Variants in CHRM3 observed in about 807,000 individuals in gnomAD.
CHRM3 encodes cholinergic receptor muscarinic 3.
CHRM3 carries 11 observed loss-of-function variants against 41.8 expected under a neutral mutation model. The observed-to-expected ratio is 0.26, with a 90% CI of 0.17 to 0.44. The LOEUF (loss-of-function observed/expected upper bound fraction) is 0.44, where lower values mean the gene tolerates loss of function less well. CHRM3 is among the 20% of genes least tolerant of loss of function. The pLI, the probability that CHRM3 is intolerant of heterozygous loss-of-function variation, is 1.00. For synonymous variants in CHRM3, 297 were observed against 301.4 expected (o/e 0.99, Z 0.15); for missense variants, 571 against 745.4 (o/e 0.77, Z 2.72).
chr1:239,680,372 G>A (rs188504305), intron 5 of CHRM3, among the ~76,000 whole-genome samples: 208 of 152,202 alleles, frequency 1.4e-3, no homozygotes, highest in South Asian at 3.9e-3. Flanking sequence ...GGAGCAAATG[G>A]AAGAAGACTA....
chr1:239,817,801 A>G (rs1671716537), intron 5 of CHRM3, among the ~76,000 whole-genome samples: 2 of 151,966 alleles, frequency 1.3e-5, no homozygotes, highest in African/African-American at 4.8e-5. Flanking sequence ...AGCAGCTACA[A>G]TGTTACTGTC....
intron 5 of CHRM3, among the ~76,000 whole-genome samples, chr1:239,756,247 A>G (rs1666233471): frequency 6.6e-6 from 1 of 152,184 alleles, no homozygotes; most frequent in Non-Finnish European, 1.5e-5. Flanking sequence ...AGGCTGGTTC[A>G]TTGACTTCTC....
At chr1:239,881,606 G>T (rs2102877749) in intron 6 of CHRM3, among the ~76,000 whole-genome samples, 1 of 152,140 alleles carries the variant, frequency 6.6e-6, no homozygotes, top group Non-Finnish European at 1.5e-5. Context: ...TACCTTAATT[G>T]TACCAGGGTT....
At chr1:239,898,770 C>A (rs925785425) in intron 6 of CHRM3, among the ~76,000 whole-genome samples, 1 of 152,142 alleles carries the variant, frequency 6.6e-6, no homozygotes, top group Non-Finnish European at 1.5e-5. Flanking sequence ...CCAGAAGCCT[C>A]ACATGTATAT....
At chr1:239,723,285 G>T (rs1663142968) in intron 5 of CHRM3, among the ~76,000 whole-genome samples, 1 of 151,690 alleles carries the variant, frequency 6.6e-6, no homozygotes, top group South Asian at 2.1e-4. Flanking sequence ...GGTATTCTAA[G>T]GATAAAATAA....
intron 6 of CHRM3, among the ~76,000 whole-genome samples, chr1:239,902,159 G>T (rs1679631417): frequency 6.6e-6 from 1 of 152,048 alleles, no homozygotes; most frequent in South Asian, 2.1e-4. Context: ...CTTTCTCCCT[G>T]TGTTTCTAAA....
chr1:239,885,299 A>G (rs1245036226), intron 6 of CHRM3, among the ~76,000 whole-genome samples: 1 of 152,142 alleles, frequency 6.6e-6, no homozygotes, highest in Non-Finnish European at 1.5e-5. Context: ...CTGTTAAAAC[A>G]TAGATTTCTG....
chr1:239,906,898 G>A (rs566023384), intron 6 of CHRM3, among the ~76,000 whole-genome samples: 1 of 152,238 alleles, frequency 6.6e-6, no homozygotes, highest in African/African-American at 2.4e-5. Flanking sequence ...AATATAGTGT[G>A]AATTGATTTA....
intron 6 of CHRM3, among the ~76,000 whole-genome samples, chr1:239,877,485 C>G (rs1463246432): frequency 2.6e-5 from 4 of 152,072 alleles, no homozygotes; most frequent in Non-Finnish European, 4.4e-5. Context: ...TGAATAAACC[C>G]TAACTGGTGA....
At chr1:239,877,070 T>C (rs1300686831) in intron 6 of CHRM3, among the ~76,000 whole-genome samples, 2 of 152,188 alleles carry the variant, frequency 1.3e-5, no homozygotes, top group East Asian at 3.9e-4. Context: ...AGGTTAAAAA[T>C]GCCCCATCTC....
intron 5 of CHRM3, among the ~76,000 whole-genome samples, chr1:239,682,301 T>C (rs1341792391): frequency 6.6e-6 from 1 of 152,216 alleles, no homozygotes; most frequent in Non-Finnish European, 1.5e-5. Flanking sequence ...AGGAATTTCT[T>C]TGAAAGGATT....
At chr1:239,457,058 A>G (rs552855361) in intron 1 of CHRM3, among the ~76,000 whole-genome samples, 146 of 152,278 alleles carry the variant, frequency 9.6e-4, no homozygotes, top group Admixed American at 1.5e-3. Context: ...TGTTGCTGTC[A>G]TTCCCCGGAA....
At chr1:239,647,625 C>T (rs1457721746) in intron 4 of CHRM3, among the ~76,000 whole-genome samples, 1 of 152,148 alleles carries the variant, frequency 6.6e-6, no homozygotes, top group Admixed American at 6.6e-5. Context: ...TCCGCTTAGA[C>T]ATTTTCCCCT....
intron 3 of CHRM3, among the ~76,000 whole-genome samples, chr1:239,571,531 A>G (rs1208531583): frequency 6.6e-6 from 1 of 152,136 alleles, no homozygotes; most frequent in Non-Finnish European, 1.5e-5. Flanking sequence ...GGGACCCATT[A>G]GGGACACTGA....
intron 1 of CHRM3, among the ~76,000 whole-genome samples, chr1:239,444,708 C>T (rs1292223969): frequency 6.6e-6 from 1 of 151,978 alleles, no homozygotes; most frequent in Non-Finnish European, 1.5e-5. Flanking sequence ...ATTACTTTTG[C>T]ACCAATCTAA....
At chr1:239,771,238 A>G (rs1018344323) in intron 5 of CHRM3, among the ~76,000 whole-genome samples, 3 of 152,034 alleles carry the variant, frequency 2.0e-5, no homozygotes, top group Non-Finnish European at 2.9e-5. Flanking sequence ...ATTTCATCCA[A>G]TTATCATTCT....
chr1:239,537,837 A>G (rs1220488186), intron 2 of CHRM3, among the ~76,000 whole-genome samples: 1 of 152,214 alleles, frequency 6.6e-6, no homozygotes, highest in African/African-American at 2.4e-5. Context: ...TTAAAGAATC[A>G]GATAGATTAA....
At chr1:239,430,959 GTACT>G (rs1026019112) in intron 1 of CHRM3, among the ~76,000 whole-genome samples, 23 of 152,086 alleles carry the variant, frequency 1.5e-4, no homozygotes, top group African/African-American at 5.5e-4. Flanking sequence ...ACATACTGAT[GTACT>G]ATTTAAAATC....
At chr1:239,431,350 A>G (rs1005858181) in intron 1 of CHRM3, among the ~76,000 whole-genome samples, 1 of 152,220 alleles carries the variant, frequency 6.6e-6, no homozygotes, top group Non-Finnish European at 1.5e-5. Context: ...CAGGAAAAAG[A>G]TTTTTAAAGG....
Sources: allele counts gnomAD v4.1 joint callset (sites outside exome capture counted in the v4.1 genomes callset), GRCh38; gene constraint gnomAD v4.1.1; transcripts MANE v1.5; gene names NCBI Gene and HGNC (gene_info 2026-07-23, HGNC 2026-07-21).